BAZ2A: variants seen among roughly 807,000 people sequenced by gnomAD.
BAZ2A encodes bromodomain adjacent to zinc finger domain 2A.
Under a neutral mutation model 199.9 loss-of-function variants are expected in BAZ2A, and 34 were observed. The observed-to-expected ratio is 0.17, with a 90% CI of 0.13 to 0.23. The LOEUF (loss-of-function observed/expected upper bound fraction) is 0.23, where lower values mean the gene tolerates loss of function less well. Among genes scored for constraint, BAZ2A ranks in the 10% least tolerant of loss-of-function variants. BAZ2A has a pLI of 1.00. For missense variants in BAZ2A, 2,002 were observed against 2,391.1 expected, an observed-to-expected ratio of 0.84 and a Z score of 3.39; for synonymous variants, 857 against 883.9, an observed-to-expected ratio of 0.97 and a Z score of 0.54.
intron 1 of BAZ2A, among the ~76,000 whole-genome samples, chr12:56,628,082 T>C (rs963755830): frequency 1.9e-4 from 26 of 138,592 alleles, no homozygotes; most frequent in African/African-American, 6.9e-4. Context: ...CTCGGGAGGC[T>C]GAGACAGGCA....
At position 56,609,785 on chromosome 12, in the gene BAZ2A, C is replaced by T. The variant is rs1565819585; in HGVS notation, c.2043G>A (p.Glu681=). The T allele has an allele frequency of 6.2e-7, 1 of 1,613,944 alleles. No homozygotes were observed. The highest frequency in any genetic ancestry group is 1.7e-5 in the Admixed American group (1 of 60,020). Residue 681 remains glutamate, a synonymous_variant, in exon 10 of 29, where the codon GAG becomes GAA. Coordinates refer to ENST00000549884, the MANE Select transcript of BAZ2A (RefSeq NM_001300905.2). ...GGCGGTTGTCTGTCTTGTTCAATAG[C>T]TCAGTGATTTTGACCTTAGGTGGCC... is the stretch of plus-strand genomic sequence containing the variant. ...RGRPPKVKIT[E]LLNKTDNRPL...
Position 56,601,761 on chromosome 12 carries a change from G to C in BAZ2A, c.3856C>G (p.Leu1286Val). ...SHSSLLSSSVLTPDSSPGKLD... is the reference protein window; with the variant it reads ...SHSSLLSSSVVTPDSSPGKLD... The stretch of plus-strand genomic sequence containing the variant: ...TTTCCCGGACTGCTATCAGGTGTGA[G>C]GACTGAGCTGCTCAACAGGGAGCTA... Residue 1286 changes from leucine (L) to valine (V), a missense_variant, in exon 20 of 29, where the codon CTC becomes GTC. By Grantham distance (32) the Leu-to-Val change is conservative. This residue lies in a region of BAZ2A where 1,081 missense variants were observed against 1,274.7 expected (regional missense o/e 0.85). Coordinates refer to ENST00000549884, the MANE Select transcript of BAZ2A (RefSeq NM_001300905.2). 6.2e-7 allele frequency: 1 copy of C among 1,614,010 alleles called. No homozygotes were observed. Among genetic ancestry groups the C allele is most frequent in the Non-Finnish European group, 8.5e-7 (1 of 1,179,892 alleles).
intron 10 of BAZ2A, among the ~76,000 whole-genome samples, chr12:56,609,023 A>ACCACCACT (rs201995750): frequency 6.6e-6 from 1 of 151,300 alleles, no homozygotes; most frequent in African/African-American, 2.4e-5. Flanking sequence ...ACAGGCACAC[A>ACCACCACT]CCACCACGCC....
chr12:56,610,663 T>G (rs1434898290), intron 7 of BAZ2A, 146 bp from the exon 8 acceptor site: 2 of 689,346 alleles, frequency 2.9e-6, no homozygotes, highest in South Asian at 1.9e-5. Flanking sequence ...CCAAGAGAGA[T>G]AAGCTTGGCT....
rs117325986 is a variant in BAZ2A, at chr12:56,603,971, C to T, written c.3038+246G>A. 9.4e-3 allele frequency among the ~76,000 whole-genome samples: 1,432 copies of T among 152,162 alleles called. 9 individuals carry two copies. The highest frequency in any genetic ancestry group is 0.015 in the Non-Finnish European group (1,034 of 68,008). ...GAGGTGGCAGTGAGCCAAGATTGCG[C>T]TATCGCATTCCAGCCTAGGCGACAG... On this transcript the variant is annotated intron_variant, in intron 16 of 28. Transcript: ENST00000549884.
In BAZ2A at chr12:56,599,969, T is replaced by C; in HGVS notation, c.5020A>G (p.Lys1674Glu). ...RSIAWEKSVN[K>E]VTCLVCRKGD... ...AGGCTCTCTCAGCCTCTTACCACTT[T>C]GTTGACAGACTTCTCCCAGGCAATG... The change falls in exon 25 of 29, where the codon AAA becomes GAA. Residue 1674 changes from lysine (K) to glutamate (E), a missense_variant. By Grantham distance (56) the Lys-to-Glu change is moderately conservative (BLOSUM62 1). Around this residue, in one of 6 missense-constraint regions of BAZ2A, gnomAD observed 1,081 missense variants for 1,274.7 expected, o/e 0.85. Transcript: ENST00000549884. 1 of 1,613,998 alleles carries C rather than the reference T, an allele frequency of 6.2e-7. No homozygotes were observed. The highest frequency in any genetic ancestry group is 8.5e-7 in the Non-Finnish European group (1 of 1,179,874).
upstream of BAZ2A, among the ~76,000 whole-genome samples, chr12:56,637,452 G>A (rs1951474529): frequency 6.6e-6 from 1 of 152,134 alleles, no homozygotes; most frequent in Non-Finnish European, 1.5e-5. Flanking sequence ...GGGTGGACTA[G>A]GCCTTATGGT....
intron 1 of BAZ2A, among the ~76,000 whole-genome samples, chr12:56,624,413 C>T (rs1439745738): frequency 2.0e-5 from 3 of 152,138 alleles, no homozygotes; most frequent in African/African-American, 7.2e-5. Context: ...TACATTATGT[C>T]GGTTCCACAG....
chr12:56,600,131 G>C (rs1347251619), intron 24 of BAZ2A, 35 bp from the exon 25 acceptor site: 1 of 1,612,866 alleles, frequency 6.2e-7, no homozygotes, highest in Non-Finnish European at 8.5e-7. Flanking sequence ...TGGAGAAGGA[G>C]CGGATCCACT....
At chr12:56,609,109 A>G (rs1592581394) in intron 10 of BAZ2A, among the ~76,000 whole-genome samples, 2 of 151,398 alleles carry the variant, frequency 1.3e-5, no homozygotes, top group Admixed American at 1.3e-4. Flanking sequence ...CAATCTCTTG[A>G]CCTCACGATC....
chr12:56,611,365 T>C, intron 7 of BAZ2A: 3 of 605,786 alleles, frequency 5.0e-6, no homozygotes, highest in Non-Finnish European at 2.9e-6. Context: ...GAAAAAAGAA[T>C]AGGTGATGGA....
upstream of BAZ2A, among the ~76,000 whole-genome samples, chr12:56,633,623 C>CT (rs1951371439): frequency 6.6e-6 from 1 of 152,010 alleles, no homozygotes; most frequent in South Asian, 2.1e-4. Context: ...ACTAGACCCC[C>CT]CCACCAGGTT....
chr12:56,634,419 G>C (rs1256037822), upstream of BAZ2A, among the ~76,000 whole-genome samples: 1 of 152,174 alleles, frequency 6.6e-6, no homozygotes, highest in Non-Finnish European at 1.5e-5. Context: ...GCTGAGGTTG[G>C]ACCCCAAGCT....
At chr12:56,610,302 G>A (rs879223236) in intron 8 of BAZ2A, 87 bp from the exon 9 acceptor site, 19 of 1,571,274 alleles carry the variant, frequency 1.2e-5, no homozygotes, top group South Asian at 5.5e-5. Context: ...CAGGCCCAGA[G>A]CAGACAATGC....
upstream of BAZ2A, among the ~76,000 whole-genome samples, chr12:56,633,556 T>C (rs1317925146): frequency 6.6e-6 from 1 of 152,140 alleles, no homozygotes; most frequent in Admixed American, 6.5e-5. Flanking sequence ...GAATGGATCA[T>C]ACTGTTAACA....
chr12:56,605,961 T>TGGG lies in BAZ2A; in HGVS notation c.2361_2362insCCC (p.Thr787_Lys788insPro). 6.4e-7 allele frequency: 1 copy of TGGG among 1,555,526 alleles called. No homozygotes were observed. The highest frequency in any genetic ancestry group is 2.4e-5 in the East Asian group (1 of 41,196). On this transcript the variant is annotated inframe_insertion, in exon 13 of 29. Coordinates refer to ENST00000549884, the MANE Select transcript of BAZ2A (RefSeq NM_001300905.2). Reference sequence around the variant, plus strand: ...TCTGCTTTACAGGCTGGCTTGGCTTTGGTCACCTCCTCCTTTTCCTTCATT... The same window carrying TGGG: ...TCTGCTTTACAGGCTGGCTTGGCTTTGGGGGTCACCTCCTCCTTTTCCTTCATT...
At position 56,622,123 on chromosome 12, in the gene BAZ2A, GA is replaced by G. The variant is rs756127716; in HGVS notation, c.-2-4592del. On this transcript the variant is annotated intron_variant, in intron 1 of 28. Coordinates refer to ENST00000549884, the MANE Select transcript of BAZ2A (RefSeq NM_001300905.2). ...GGAGGCCAAGGTGGGTGGATCACCTGAAGTCAAGAGTTCGAAACCAGCCTGG... is the reference window on the plus strand; with the variant it reads ...GGAGGCCAAGGTGGGTGGATCACCTGAGTCAAGAGTTCGAAACCAGCCTGG... Among the ~76,000 whole-genome samples, 5 of 152,112 alleles carry G rather than the reference GA, an allele frequency of 3.3e-5. No individual in the cohort carries two copies. The South Asian group carries it at 1.0e-3, about 32-fold the overall frequency.
intron 2 of BAZ2A, among the ~76,000 whole-genome samples, chr12:56,615,828 G>A (rs1247247185): frequency 1.3e-5 from 2 of 152,150 alleles, no homozygotes; most frequent in African/African-American, 4.8e-5. Flanking sequence ...GGGGGCTAGA[G>A]AGCTCTCCAG....
chr12:56,619,270 G>A (rs1228730133), intron 1 of BAZ2A, among the ~76,000 whole-genome samples: 1 of 151,758 alleles, frequency 6.6e-6, no homozygotes, highest in Non-Finnish European at 1.5e-5. Flanking sequence ...GCTTGGACCT[G>A]GGAGACGGAG....
Sources: gnomAD v4.1 joint callset for allele counts (sites outside exome capture counted in the v4.1 genomes callset) on GRCh38, gnomAD v4.1.1 for gene constraint, gnomAD v4.1.1 regional missense constraint, MANE v1.5 for transcripts, NCBI Gene and HGNC (gene_info 2026-07-23, HGNC 2026-07-21) for gene names.